The following SUGCT variants were observed in gnomAD, a reference collection of about 807,000 sequenced individuals.
SUGCT encodes the protein succinyl-CoA:glutarate CoA-transferase.
A neutral mutation model predicts 55.0 loss-of-function variants in SUGCT; 41 were observed. The ratio of observed to expected loss-of-function variants is 0.74; its 90% CI spans 0.58 to 0.97. SUGCT has a LOEUF of 0.97. Ranked by LOEUF, SUGCT falls within the 50% of genes least tolerant of loss-of-function variation. The probability of loss-of-function intolerance (pLI) is 0.00; values close to 1 mark genes in which losing one functional copy is unlikely to be tolerated. For synonymous variants in SUGCT, 187 were observed against 200.4 expected (o/e 0.93, Z 0.56); for missense variants, 568 against 547.8 (o/e 1.04, Z -0.37).
chr7:40,204,609 T>A (rs1454832860), intron 6 of SUGCT, among the ~76,000 whole-genome samples: 1 of 151,848 alleles, frequency 6.6e-6, no homozygotes, highest in Non-Finnish European at 1.5e-5. Flanking sequence ...GCCTGGGAAT[T>A]CTTTATGAAA....
chr7:40,523,134 G>A (rs1469436046), intron 12 of SUGCT, among the ~76,000 whole-genome samples: 1 of 152,018 alleles, frequency 6.6e-6, no homozygotes, highest in Non-Finnish European at 1.5e-5. Context: ...TTAGGGAAAA[G>A]TGGTAAGTCC....
At chr7:40,369,429 G>C (rs978490203) in intron 9 of SUGCT, among the ~76,000 whole-genome samples, 1 of 152,058 alleles carries the variant, frequency 6.6e-6, no homozygotes, top group African/African-American at 2.4e-5. Flanking sequence ...CCTTTTCACA[G>C]ATCAAATATT....
chr7:40,555,615 C>T (rs1489408389), intron 12 of SUGCT, among the ~76,000 whole-genome samples: 2 of 150,090 alleles, frequency 1.3e-5, no homozygotes, highest in Non-Finnish European at 2.9e-5. Flanking sequence ...GCCTGCTGGA[C>T]CCCACTTCTG....
At position 40,832,210 on chromosome 7, in the gene SUGCT, A is replaced by G. The variant is rs368389814; in HGVS notation, c.1154-28106A>G. On this transcript the variant is annotated intron_variant, in intron 13 of 13. Coordinates refer to ENST00000335693, the MANE Select transcript of SUGCT (RefSeq NM_001193313.2). ...AAAAGTAACCCAGAGCAGGCATCCAACAGTTCTGGTTCTTGCTCCGCTTCC... is the reference window on the plus strand; with the variant it reads ...AAAAGTAACCCAGAGCAGGCATCCAGCAGTTCTGGTTCTTGCTCCGCTTCC... Among the ~76,000 whole-genome samples the G allele has an allele frequency of 7.2e-5, 11 of 152,148 alleles. No individual in the cohort carries two copies. In the East Asian group the frequency reaches 1.5e-3, roughly 21 times the overall value.
chr7:40,922,250 C>G, the SUGCT span, among the ~76,000 whole-genome samples: 2 of 152,170 alleles, frequency 1.3e-5, no homozygotes, highest in Non-Finnish European at 2.9e-5. Context: ...TCACCTATCC[C>G]AGAGTTTCTG....
At chr7:40,898,480 CGGGGGGGGG>C in the SUGCT span, among the ~76,000 whole-genome samples, 80 of 5,716 alleles carry the variant, frequency 0.014, 16 homozygotes, top group South Asian at 0.024. Context: ...TCCGGGAGGT[CGGGGGGGGG>C]GGGGGGGGTG....
intron 12 of SUGCT, among the ~76,000 whole-genome samples, chr7:40,598,879 G>A (rs892534908): frequency 2.0e-5 from 3 of 152,230 alleles, no homozygotes; most frequent in East Asian, 3.9e-4. Context: ...ATTTGAGAGA[G>A]AGAGAATATT....
intron 7 of SUGCT, among the ~76,000 whole-genome samples, chr7:40,257,898 T>A (rs1264621500): frequency 6.6e-6 from 1 of 151,858 alleles, no homozygotes; most frequent in African/African-American, 2.4e-5. Flanking sequence ...ATAAATAAAA[T>A]TTAAGTATCA....
intron 12 of SUGCT, among the ~76,000 whole-genome samples, chr7:40,497,630 T>C (rs1043608732): frequency 2.0e-5 from 3 of 152,172 alleles, no homozygotes; most frequent in Admixed American, 2.0e-4. Flanking sequence ...ACTCTGAATA[T>C]AGTAGACCAG....
At chr7:40,196,766 A>G (rs1257081814) in intron 6 of SUGCT, among the ~76,000 whole-genome samples, 5 of 152,136 alleles carry the variant, frequency 3.3e-5, no homozygotes, top group African/African-American at 1.2e-4. Context: ...TCCTTGCCTT[A>G]TGTGATTGTG....
intron 4 of SUGCT, among the ~76,000 whole-genome samples, chr7:40,188,994 A>G (rs1158161144): frequency 1.3e-5 from 2 of 152,116 alleles, no homozygotes; most frequent in Non-Finnish European, 2.9e-5. Context: ...CTTCATGCAT[A>G]AAATAAATTT....
chr7:40,975,594 C>T, the SUGCT span, among the ~76,000 whole-genome samples: 13 of 152,306 alleles, frequency 8.5e-5, no homozygotes, highest in African/African-American at 3.1e-4. Flanking sequence ...AAAATGTTTT[C>T]CAGATGGTGG....
chr7:40,673,806 A>G (rs565975184), intron 12 of SUGCT, among the ~76,000 whole-genome samples: 8 of 152,338 alleles, frequency 5.3e-5, no homozygotes, highest in African/African-American at 1.2e-4. Flanking sequence ...AGCCGATTCT[A>G]TCTTTCATGG....
At chr7:40,286,341 A>C (rs1395018524) in intron 8 of SUGCT, among the ~76,000 whole-genome samples, 1 of 152,208 alleles carries the variant, frequency 6.6e-6, no homozygotes, top group Non-Finnish European at 1.5e-5. Context: ...CCGCCACAGG[A>C]CTAGCCAAGT....
chr7:40,597,367 T>C (rs1490818962), intron 12 of SUGCT, among the ~76,000 whole-genome samples: 2 of 152,194 alleles, frequency 1.3e-5, no homozygotes, highest in Non-Finnish European at 2.9e-5. Flanking sequence ...AGACTGGATA[T>C]GGAAACATCT....
At chr7:40,387,337 TG>T (rs1033308173) in intron 9 of SUGCT, among the ~76,000 whole-genome samples, 64 of 152,210 alleles carry the variant, frequency 4.2e-4, no homozygotes, top group African/African-American at 1.4e-3. Context: ...CTCTGTAACT[TG>T]GGCAGATCGG....
At chr7:40,378,083 G>A (rs1341223470) in intron 9 of SUGCT, among the ~76,000 whole-genome samples, 1 of 150,820 alleles carries the variant, frequency 6.6e-6, no homozygotes, top group Non-Finnish European at 1.5e-5. Flanking sequence ...AACCACCTTG[G>A]AGTTAATTGA....
At chr7:40,717,245 G>T (rs1405530078) in intron 12 of SUGCT, among the ~76,000 whole-genome samples, 1 of 152,138 alleles carries the variant, frequency 6.6e-6, no homozygotes, top group Non-Finnish European at 1.5e-5. Context: ...CTTGTCACAC[G>T]ACCAGGAAAG....
intron 12 of SUGCT, among the ~76,000 whole-genome samples, chr7:40,748,635 T>G (rs1787859705): frequency 6.6e-6 from 1 of 151,824 alleles, no homozygotes; most frequent in East Asian, 1.9e-4. Context: ...GTCTTTGAAA[T>G]AAATTAATTT....
Sources: allele counts gnomAD v4.1 joint callset (sites outside exome capture counted in the v4.1 genomes callset), GRCh38; gene constraint gnomAD v4.1.1; transcripts MANE v1.5; gene names NCBI Gene and HGNC (gene_info 2026-07-23, HGNC 2026-07-21).